KDM4B: variants seen among roughly 807,000 people sequenced by gnomAD.
KDM4B encodes the protein lysine-specific demethylase 4B.
KDM4B carries 32 observed loss-of-function variants against 125.2 expected under a neutral mutation model. That is an observed-to-expected ratio of 0.26 (90% CI 0.19 to 0.34). The LOEUF (loss-of-function observed/expected upper bound fraction) is 0.34. Among genes scored for constraint, KDM4B ranks in the 10% least tolerant of loss-of-function variants. The pLI is 1.00. For missense variants in KDM4B, 1,190 were observed against 1,577.7 expected (o/e 0.75, Z 4.16); for synonymous variants, 721 against 677.9 (o/e 1.06, Z -0.99).
At chr19:5,125,135 G>C (rs556525968) in intron 11 of KDM4B, among the ~76,000 whole-genome samples, 3 of 152,104 alleles carry the variant, frequency 2.0e-5, no homozygotes, top group African/African-American at 7.2e-5. Flanking sequence ...CCTGGGCTCC[G>C]CCTCAGCCTC....
intron 1 of KDM4B, among the ~76,000 whole-genome samples, chr19:5,002,432 T>TCCTTTCTCTCC (rs2035418366): frequency 7.3e-6 from 1 of 136,060 alleles, no homozygotes; most frequent in South Asian, 2.4e-4. Flanking sequence ...CCTTTCTCTC[T>TCCTTTCTCTCC]ACTTTCTCTC....
intron 3 of KDM4B, among the ~76,000 whole-genome samples, chr19:5,036,097 G>A (rs1043516513): frequency 1.3e-5 from 2 of 152,164 alleles, no homozygotes; most frequent in Admixed American, 6.5e-5. Flanking sequence ...CTTGGCTCGG[G>A]GCAGCCAGCC....
At chr19:5,011,634 G>A (rs1406053888) in intron 1 of KDM4B, among the ~76,000 whole-genome samples, 4 of 152,192 alleles carry the variant, frequency 2.6e-5, no homozygotes, top group Admixed American at 6.5e-5. Flanking sequence ...AGGCAACCTC[G>A]CCAGGCGTGC....
Position 5,144,277 on chromosome 19 carries a change from C to A in KDM4B, c.2766C>A (p.Gly922=). 1 of 1,597,522 alleles carries A rather than the reference C, an allele frequency of 6.3e-7. No individual in the cohort carries two copies. ...AACTCCTGAGGGCCGTGTCCCTAGG[C>A]CAGGTGGTCATCACCAAGAACCGCA... ...AVQLLRAVSL[G]QVVITKNRNG... Residue 922 remains glycine, a synonymous_variant, in exon 20 of 23, where the codon GGC becomes GGA. Transcript: ENST00000159111.
intron 14 of KDM4B, 68 bp downstream of exon 14, chr19:5,134,129 G>A (rs971509565): frequency 1.6e-5 from 23 of 1,445,690 alleles, no homozygotes; most frequent in Middle Eastern, 2.4e-4. Context: ...GCGAGGGACC[G>A]GGCACCCCAC....
rs1012199765 is a variant in KDM4B at position 5,021,869 on chromosome 19, C to T, written c.-26+5530C>T. ...CAGGATGGTCTTGATCTGTTGACCT[C>T]GTGATCTGCCTGCCTCGTCCTCCCA... On this transcript the variant is annotated intron_variant, in intron 2 of 22. Coordinates refer to ENST00000159111, the MANE Select transcript of KDM4B (RefSeq NM_015015.3). 5.9e-5 allele frequency among the ~76,000 whole-genome samples: 9 copies of T among 152,210 alleles called. No individual in the cohort carries two copies. In the East Asian group the frequency reaches 1.2e-3, roughly 20 times the overall value.
At chr19:5,112,258 G>C (rs570440257) in intron 10 of KDM4B, 1 of 164,864 alleles carries the variant, frequency 6.1e-6, no homozygotes, top group African/African-American at 2.4e-5. Flanking sequence ...GTCTCTCCAG[G>C]AAAACAAACA....
chr19:4,973,135 C>A (rs1166673812), intron 1 of KDM4B, among the ~76,000 whole-genome samples: 2 of 152,212 alleles, frequency 1.3e-5, no homozygotes, highest in Non-Finnish European at 2.9e-5. Context: ...TTGGCCTCTT[C>A]CTGAACAGTA....
rs1374891613 is a variant in KDM4B at position 5,152,987 on chromosome 19, A to G, written c.*1476A>G. 2 of 152,394 alleles carry G rather than the reference A, an allele frequency of 1.3e-5. No individual in the cohort carries two copies. The highest frequency in any genetic ancestry group is 4.8e-5 in the African/African-American group (2 of 41,372). The allele number at this position is 152,394 out of a possible 1,614,324, so 9.4% of individuals were successfully genotyped here. ...CTTGAGTCCAGGAGGTTGAGGCTGCAGTCAGCTCAGATTGCACCACTGCAC... is the reference window on the plus strand; with the variant it reads ...CTTGAGTCCAGGAGGTTGAGGCTGCGGTCAGCTCAGATTGCACCACTGCAC... On this transcript the variant is annotated 3_prime_UTR_variant, in exon 23 of 23. Transcript: ENST00000159111.
chr19:5,104,245 G>T (rs1031064725), intron 9 of KDM4B, among the ~76,000 whole-genome samples: 10 of 152,130 alleles, frequency 6.6e-5, no homozygotes, highest in African/African-American at 2.4e-4. Context: ...GCCCCTTTCT[G>T]CTCCCGGGTC....
chr19:5,079,245 G>C (rs995768992), intron 8 of KDM4B: 2 of 152,160 alleles, frequency 1.3e-5, no homozygotes. Context: ...CGTGCCTGGT[G>C]TCTGGGGCCG....
intron 2 of KDM4B, among the ~76,000 whole-genome samples, chr19:5,023,960 C>T (rs573708845): frequency 2.0e-4 from 31 of 152,022 alleles, no homozygotes; most frequent in African/African-American, 7.2e-4. Context: ...TCGCTATGTT[C>T]AGGCTCATCC....
chr19:5,117,778 C>A (rs1207319280), intron 10 of KDM4B, among the ~76,000 whole-genome samples: 1 of 152,200 alleles, frequency 6.6e-6, no homozygotes, highest in Admixed American at 6.5e-5. Context: ...CCTCCCACCC[C>A]TGCCCGGCCA....
At chr19:5,090,527 TTTCCC>T (rs2038672684) in intron 9 of KDM4B, among the ~76,000 whole-genome samples, 2 of 32,488 alleles carry the variant, frequency 6.2e-5, no homozygotes, top group African/African-American at 1.3e-4. Flanking sequence ...TCTCCCCCTC[TTTCCC>T]CGCTCCCCCT....
intron 2 of KDM4B, among the ~76,000 whole-genome samples, chr19:5,019,771 AGT>A (rs1182555976): frequency 8.5e-5 from 7 of 82,660 alleles, no homozygotes; most frequent in Non-Finnish European, 1.6e-4. Flanking sequence ...TGGTGTGGAC[AGT>A]GGTGTGCAGG....
intron 1 of KDM4B, among the ~76,000 whole-genome samples, chr19:5,014,994 C>CAAA (rs772116720): frequency 9.7e-6 from 1 of 103,418 alleles, no homozygotes; most frequent in African/African-American, 3.6e-5. Context: ...GAGTCCGTCT[C>CAAA]AAAAAAAAAA....
At chr19:5,057,906 T>C (rs1302147833) in intron 6 of KDM4B, among the ~76,000 whole-genome samples, 1 of 152,222 alleles carries the variant, frequency 6.6e-6, no homozygotes, top group Non-Finnish European at 1.5e-5. Flanking sequence ...ATGGAGATGA[T>C]GCAGGGATGC....
Position 5,119,812 on chromosome 19 carries a change from G to A in KDM4B, c.1275G>A (p.Pro425=), listed in dbSNP as rs754219281. The A allele has an allele frequency of 1.6e-5, 24 of 1,543,060 alleles. No homozygotes were observed. The Admixed American group carries it at 2.8e-4, about 18-fold the overall frequency. Residue 425 remains proline, a synonymous_variant, in exon 11 of 23, where the codon CCG becomes CCA. Coordinates refer to ENST00000159111, the MANE Select transcript of KDM4B (RefSeq NM_015015.3). ...ACCCCGAGGAGGAGGAGGAGGAGCC[G>A]CAGCCACTGCCACACGGCCGGGAGG... is the stretch of plus-strand genomic sequence containing the variant. ...EVDPEEEEEE[P]QPLPHGREAE...
chr19:5,019,669 C>CGTGGATGTTGGTGTGCAGGTGTTGGT (rs2036027014), intron 2 of KDM4B, among the ~76,000 whole-genome samples: 1 of 45,616 alleles, frequency 2.2e-5, no homozygotes. Flanking sequence ...CAGGTGTTGG[C>CGTGGATGTTGGTGTGCAGGTGTTGGT]GTGGATGTTG....
Sources: gnomAD v4.1 joint callset for allele counts (sites outside exome capture counted in the v4.1 genomes callset) on GRCh38, gnomAD v4.1.1 for gene constraint, MANE v1.5 for transcripts, NCBI Gene and HGNC (gene_info 2026-07-23, HGNC 2026-07-21) for gene names.